Variants in LARP7 observed in about 807,000 individuals in gnomAD.
LARP7 encodes La ribonucleoprotein 7, transcriptional regulator, also known as la-related protein 7.
In LARP7, 52 loss-of-function variants were observed where a neutral mutation model predicts 69.3. That is an observed-to-expected ratio of 0.75 (90% confidence interval 0.60 to 0.95). LARP7 has a LOEUF of 0.95. Among genes scored for constraint, LARP7 ranks in the 40% least tolerant of loss-of-function variants. The probability of loss-of-function intolerance (pLI) is 0.00; values close to 1 mark genes in which losing one functional copy is unlikely to be tolerated. For synonymous variants in LARP7, 254 were observed against 215.9 expected (o/e 1.18, Z -1.55); for missense variants, 733 against 673.0 (o/e 1.09, Z -0.99).
chr4:112,656,213 C>T (rs540656418), intron 12 of LARP7, among the ~76,000 whole-genome samples: 40 of 152,030 alleles, frequency 2.6e-4, no homozygotes, highest in African/African-American at 7.2e-4. Flanking sequence ...GAGACCAGCC[C>T]GGCCAACATA....
intron 8 of LARP7, among the ~76,000 whole-genome samples, chr4:112,649,142 G>A (rs778525457): frequency 2.0e-5 from 3 of 152,012 alleles, no homozygotes; most frequent in Non-Finnish European, 2.9e-5. Context: ...TTTGATTCAA[G>A]TAAATACTAA....
intron 1 of LARP7, among the ~76,000 whole-genome samples, chr4:112,639,169 A>G (rs2047850376): frequency 6.6e-6 from 1 of 151,982 alleles, no homozygotes; most frequent in Non-Finnish European, 1.5e-5. Context: ...ATTGTTACCC[A>G]ATAACTTTTA....
rs774033849 is a variant in LARP7 at position 112,644,640 on chromosome 4, A to G, written c.-2-28A>G. The G allele has an allele frequency of 1.6e-5, 24 of 1,515,582 alleles. No homozygotes were observed. In the South Asian group the frequency reaches 2.5e-4, roughly 16 times the overall value. 93.9% of individuals were successfully genotyped at this position (1,515,582 alleles called of 1,614,324 possible). ...TATTAGCTATTGTGGTGATTTAAAT[A>G]TTTACATCTTTTTCTTGTAATTCAC... On this transcript the variant is annotated intron_variant, in intron 1 of 12. Transcript: ENST00000344442.
intron 9 of LARP7, 163 bp downstream of exon 9, chr4:112,649,849 C>T: frequency 2.2e-6 from 1 of 445,692 alleles, no homozygotes; most frequent in South Asian, 5.2e-5. Context: ...GTGTTACTTA[C>T]TCTTGATATA....
intron 2 of LARP7, chr4:112,645,761 AT>A (rs1434086976): frequency 2.8e-6 from 1 of 360,612 alleles, no homozygotes; most frequent in African/African-American, 2.2e-5. Context: ...AGCTCAAGAG[AT>A]TTACCTTCAC....
intron 12 of LARP7, among the ~76,000 whole-genome samples, chr4:112,656,032 C>G (rs1435818640): frequency 6.6e-6 from 1 of 152,104 alleles, no homozygotes; most frequent in Non-Finnish European, 1.5e-5. Flanking sequence ...CCTTACTGAC[C>G]TGACAGCCCA....
chr4:112,650,086 T>C (rs1313400023), intron 9 of LARP7: 1 of 180,758 alleles, frequency 5.5e-6, no homozygotes, highest in African/African-American at 2.4e-5. Flanking sequence ...TAAATTCTCA[T>C]TTCTTGTAAA....
intron 12 of LARP7, 90 bp downstream of exon 12, chr4:112,654,249 G>A: frequency 1.1e-6 from 1 of 902,522 alleles, no homozygotes; most frequent in Non-Finnish European, 1.8e-6. Context: ...AATGATCGTA[G>A]TTTTGCTATT....
In LARP7 at chr4:112,654,143, A is replaced by G; in HGVS notation, c.1652A>G (p.Lys551Arg). The G allele has an allele frequency of 1.2e-6, 2 of 1,613,472 alleles. No individual in the cohort carries two copies. The highest frequency in any genetic ancestry group is 2.2e-5 in the South Asian group (2 of 91,070). The change falls in exon 12 of 13, where the codon AAA becomes AGA. Residue 551 changes from lysine to arginine, a missense_variant. Transcript: ENST00000344442. ...AAACTTAATCAGCCTCGGGAAAAGA[A>G]AAGAGGCACTGAAAAGGTAATTGAT... ...QAKLNQPREK[K>R]RGTEKLITKA...
At chr4:112,639,216 T>G (rs1440092095) in intron 1 of LARP7, among the ~76,000 whole-genome samples, 3 of 150,694 alleles carry the variant, frequency 2.0e-5, no homozygotes, top group Non-Finnish European at 3.0e-5. Flanking sequence ...TACTTTTTTT[T>G]TTTTTTTTTT....
intron 1 of LARP7, among the ~76,000 whole-genome samples, chr4:112,640,002 G>A (rs1438236803): frequency 1.3e-5 from 2 of 152,068 alleles, no homozygotes; most frequent in East Asian, 1.9e-4. Flanking sequence ...GCAGTGGTAC[G>A]ATCTCGAATC....
At chr4:112,644,646 A>C in intron 1 of LARP7, 22 bp from the exon 2 acceptor site, 4 of 1,536,950 alleles carry the variant, frequency 2.6e-6, no homozygotes, top group Non-Finnish European at 3.6e-6. Context: ...AAATATTTAC[A>C]TCTTTTTCTT....
At chr4:112,652,635 T>C (rs1189313055) in intron 10 of LARP7, among the ~76,000 whole-genome samples, 3 of 152,212 alleles carry the variant, frequency 2.0e-5, no homozygotes, top group Non-Finnish European at 2.9e-5. Flanking sequence ...AGTGGAATGA[T>C]TTGTACACAT....
intron 1 of LARP7, among the ~76,000 whole-genome samples, chr4:112,643,576 G>A (rs764499309): frequency 1.3e-5 from 2 of 152,136 alleles, no homozygotes; most frequent in Non-Finnish European, 2.9e-5. Context: ...GGCTGGGCGC[G>A]GTGGCTCACA....
At chr4:112,652,967 G>A in intron 10 of LARP7, 110 bp from the exon 11 acceptor site, 1 of 737,674 alleles carries the variant, frequency 1.4e-6, no homozygotes, top group African/African-American at 1.8e-5. Context: ...TCATTAGACT[G>A]CAAAATGCTT....
Position 112,653,068 on chromosome 4 carries a change from C to G in LARP7, c.1417-9C>G, listed in dbSNP as rs763646578. 1.1e-5 allele frequency: 17 copies of G among 1,575,724 alleles called. No homozygotes were observed. The highest frequency in any genetic ancestry group is 1.3e-5 in the Non-Finnish European group (15 of 1,167,440). ...ATTTTATTTGTCTTTCTACTTAACT[C>G]TAATGCAGGATACTTTGGCAGCAAT... is the stretch of plus-strand genomic sequence containing the variant. On this transcript the variant is annotated splice_polypyrimidine_tract_variant and intron_variant, in intron 10 of 12. Transcript: ENST00000344442.
At chr4:112,640,747 G>A (rs1048766826) in intron 1 of LARP7, among the ~76,000 whole-genome samples, 1 of 152,076 alleles carries the variant, frequency 6.6e-6, no homozygotes. Context: ...GTGACAACAA[G>A]ATACAAGAAT....
At chr4:112,645,597 C>T (rs184445654) in intron 2 of LARP7, 2 of 455,200 alleles carry the variant, frequency 4.4e-6, no homozygotes, top group Admixed American at 4.7e-5. Context: ...CTTCTGCCCC[C>T]ACCTCCACCC....
Position 112,644,654 on chromosome 4 carries a change from C to G in LARP7, c.-2-14C>G, listed in dbSNP as rs1336293948. ...GTGATTTAAATATTTACATCTTTTT[C>G]TTGTAATTCACAGGAATGGAAACTG... On this transcript the variant is annotated splice_polypyrimidine_tract_variant and intron_variant, in intron 1 of 12. Coordinates refer to ENST00000344442, the MANE Select transcript of LARP7 (RefSeq NM_016648.4). The G allele has an allele frequency of 1.3e-6, 2 of 1,558,246 alleles. No individual in the cohort carries two copies. The highest frequency in any genetic ancestry group is 1.4e-5 in the African/African-American group (1 of 72,650).
Sources: allele counts gnomAD v4.1 joint callset (sites outside exome capture counted in the v4.1 genomes callset), GRCh38; gene constraint gnomAD v4.1.1; transcripts MANE v1.5; gene names NCBI Gene and HGNC (gene_info 2026-07-23, HGNC 2026-07-21).